The following CCDC88C variants were observed in gnomAD, a reference collection of about 807,000 sequenced individuals.
The protein encoded by CCDC88C is protein Daple.
A neutral mutation model predicts 198.8 loss-of-function variants in CCDC88C; 131 were observed. The ratio of observed to expected loss-of-function variants is 0.66; its 90% CI spans 0.57 to 0.76. CCDC88C has a LOEUF of 0.76. CCDC88C is among the 30% of genes least tolerant of loss of function. The probability of loss-of-function intolerance (pLI) is 0.00; values close to 1 mark genes in which losing one functional copy is unlikely to be tolerated. For synonymous variants in CCDC88C, 1,166 were observed against 1,114.7 expected (o/e 1.05, Z -0.92); for missense variants, 2,553 against 2,631.6 (o/e 0.97, Z 0.65).
chr14:91,375,055 C>T (rs1293199782), intron 3 of CCDC88C, among the ~76,000 whole-genome samples: 1 of 152,220 alleles, frequency 6.6e-6, no homozygotes, highest in Non-Finnish European at 1.5e-5. Flanking sequence ...TCACTAGTTA[C>T]GAAGCTACAG....
At chr14:91,330,026 A>G (rs960504220) in intron 10 of CCDC88C, among the ~76,000 whole-genome samples, 6 of 152,248 alleles carry the variant, frequency 3.9e-5, no homozygotes, top group African/African-American at 1.4e-4. Flanking sequence ...TGTGTTCATA[A>G]AAACTCACAG....
In CCDC88C at chr14:91,303,828, C is replaced by T; in HGVS notation, c.3508G>A (p.Asp1170Asn). Reference protein sequence around the residue: ...LTAAYEALLQDHEHLGTLHER... With the variant: ...LTAAYEALLQNHEHLGTLHER... ...TGCAGCGTGCCCAGGTGCTCGTGGT[C>T]CTGCAGCAGGGCCTCGTAGGCCGCT... The change falls in exon 20 of 30, where the codon GAC (aspartate) becomes AAC (asparagine). Residue 1170 changes from aspartate to asparagine, a missense_variant. By Grantham distance (23) the Asp-to-Asn change is conservative. Transcript: ENST00000389857. The T allele has an allele frequency of 1.2e-6, 2 of 1,613,352 alleles. No homozygotes were observed. Among genetic ancestry groups the T allele is most frequent in the South Asian group, 1.1e-5 (1 of 91,088 alleles).
rs1277015058 is a variant in CCDC88C at position 91,299,945 on chromosome 14, A to G, written c.3761T>C (p.Leu1254Pro). 1.9e-6 allele frequency: 3 copies of G among 1,590,490 alleles called. No individual in the cohort carries two copies. Among genetic ancestry groups the G allele is most frequent in the Non-Finnish European group, 2.6e-6 (3 of 1,171,392 alleles). The change falls in exon 21 of 30, where the codon CTG (leucine) becomes CCG (proline). Residue 1254 changes from leucine (L) to proline (P), a missense_variant. Physicochemically the swap from Leu to Pro is moderately conservative, Grantham distance 98 (BLOSUM62 -3). This residue lies in a region of CCDC88C where 1,293 missense variants were observed against 1,219.6 expected (regional missense o/e 1.06). Coordinates refer to ENST00000389857, the MANE Select transcript of CCDC88C (RefSeq NM_001080414.4). ...CGCTCACCTGTCCAGCTCGCCCCGCAGCCTCTGGTTCTCGCCCATGGCGAG... is the reference window on the plus strand; with the variant it reads ...CGCTCACCTGTCCAGCTCGCCCCGCGGCCTCTGGTTCTCGCCCATGGCGAG... The part of the protein sequence containing the change: ...NALAMGENQR[L>P]RGELDRVNFL...
Position 91,273,030 on chromosome 14 carries a change from C to G in CCDC88C, c.5682G>C (p.Glu1894Asp). ...RRFSLAPPKEERLAPLHQSAT... is the reference protein window; with the variant it reads ...RRFSLAPPKEDRLAPLHQSAT... ...CAGACTGATGCAGGGGGGCCAGCCT[C>G]TCCTCCTTTGGGGGAGCCAGGGAGA... Residue 1894 changes from glutamate to aspartate, a missense_variant, in exon 30 of 30, where the codon GAG (glutamate) becomes GAC (aspartate). By Grantham distance (45) the Glu-to-Asp change is conservative. Around this residue, in one of 2 missense-constraint regions of CCDC88C, gnomAD observed 1,293 missense variants for 1,219.6 expected, o/e 1.06. Coordinates refer to ENST00000389857, the MANE Select transcript of CCDC88C (RefSeq NM_001080414.4). This position sits in a 1 kb window ranked among gnomAD's most constrained non-coding sequence, Gnocchi z 5.6. 1 of 1,555,654 alleles carries G rather than the reference C, an allele frequency of 6.4e-7. No homozygotes were observed. The highest frequency in any genetic ancestry group is 8.7e-7 in the Non-Finnish European group (1 of 1,154,282).
At chr14:91,345,217 G>T (rs1893496452) in intron 4 of CCDC88C, among the ~76,000 whole-genome samples, 1 of 93,772 alleles carries the variant, frequency 1.1e-5, no homozygotes, top group Admixed American at 1.4e-4. Context: ...TTTTGAGACA[G>T]AGTCTCACTC....
chr14:91,295,230 A>T (rs1806335841), intron 22 of CCDC88C, among the ~76,000 whole-genome samples: 1 of 152,224 alleles, frequency 6.6e-6, no homozygotes, highest in Admixed American at 6.5e-5. Context: ...ATATAATTAT[A>T]CATAATTTAT....
At chr14:91,281,312 G>T in intron 27 of CCDC88C, 145 bp downstream of exon 27, 8 of 1,529,920 alleles carry the variant, frequency 5.2e-6, no homozygotes, top group Non-Finnish European at 7.1e-6. Flanking sequence ...CAGCCCCCTG[G>T]GGAGGGGAAG....
chr14:91,297,794 C>T (rs563627553), intron 21 of CCDC88C, among the ~76,000 whole-genome samples: 1 of 152,320 alleles, frequency 6.6e-6, no homozygotes, highest in South Asian at 2.1e-4. Context: ...ATCACTGCTA[C>T]CATCACTTCC....
chr14:91,303,619 C>G, intron 20 of CCDC88C, 82 bp downstream of exon 20: 3 of 1,422,028 alleles, frequency 2.1e-6, no homozygotes, highest in East Asian at 5.0e-5. Flanking sequence ...CCATCTACCC[C>G]AGGCCCCACC....
chr14:91,385,206 G>A lies in CCDC88C; in HGVS notation c.270+23453C>T, dbSNP rs140067104. Among the ~76,000 whole-genome samples, 243 of 152,244 alleles carry A rather than the reference G, an allele frequency of 1.6e-3. 1 individual carries two copies. The highest frequency in any genetic ancestry group is 5.6e-3 in the African/African-American group (231 of 41,538). On this transcript the variant is annotated intron_variant, in intron 3 of 29. Coordinates refer to ENST00000389857, the MANE Select transcript of CCDC88C (RefSeq NM_001080414.4). ...GAAAGTGTCACCCACCGGCCAGGAG[G>A]TTTACCTAAGAAGTCTACCAATGAA...
At chr14:91,308,553 G>A in intron 16 of CCDC88C, 61 bp from the exon 17 acceptor site, 1 of 1,528,146 alleles carries the variant, frequency 6.5e-7, no homozygotes, top group Non-Finnish European at 9.0e-7. Flanking sequence ...AGTTCCCAGT[G>A]TCCTCGCTGC....
intron 4 of CCDC88C, among the ~76,000 whole-genome samples, chr14:91,346,891 T>C (rs1596096683): frequency 6.6e-6 from 1 of 152,076 alleles, no homozygotes; most frequent in East Asian, 1.9e-4. Context: ...AAAGGAAGAC[T>C]CTGTCTCAAA....
chr14:91,293,483 C>T (rs796090088), intron 23 of CCDC88C, among the ~76,000 whole-genome samples: 1 of 143,410 alleles, frequency 7.0e-6, no homozygotes, highest in Non-Finnish European at 1.5e-5. Flanking sequence ...TGCCACAGCT[C>T]ACCTTCCCAT....
At chr14:91,345,184 A>ATTTTTT (rs1458769741) in intron 4 of CCDC88C, among the ~76,000 whole-genome samples, 6 of 67,574 alleles carry the variant, frequency 8.9e-5, no homozygotes, top group African/African-American at 3.3e-4. Context: ...ATATATATAT[A>ATTTTTT]TATATATTTT....
rs776363331 is a variant in CCDC88C at position 91,300,081 on chromosome 14, G to A, written c.3636-11C>T. On this transcript the variant is annotated splice_polypyrimidine_tract_variant and intron_variant, in intron 20 of 29. Coordinates refer to ENST00000389857, the MANE Select transcript of CCDC88C (RefSeq NM_001080414.4). Reference sequence around the variant, plus strand: ...AGCATGTCACCGTGCCTGTTGGAGGGAAGCACCTGCCGTGAGTCTGGCCAG... The same window carrying A: ...AGCATGTCACCGTGCCTGTTGGAGGAAAGCACCTGCCGTGAGTCTGGCCAG... 2.5e-6 allele frequency: 4 copies of A among 1,604,956 alleles called. No individual in the cohort carries two copies. In the South Asian group the frequency reaches 4.5e-5, roughly 18 times the overall value.
At position 91,385,305 on chromosome 14, in the gene CCDC88C, C is replaced by A. The variant is rs563797867; in HGVS notation, c.270+23354G>T. On this transcript the variant is annotated intron_variant, in intron 3 of 29. Transcript: ENST00000389857. ...CCAGACCCAGGGTTCTCTCACCCCA[C>A]AAGTAACTTTAGCACAAGAAACGCC... Among the ~76,000 whole-genome samples, 5 of 152,316 alleles carry A rather than the reference C, an allele frequency of 3.3e-5. No individual in the cohort carries two copies. In the South Asian group the frequency reaches 8.3e-4, roughly 25 times the overall value.
At chr14:91,275,047 G>A (rs918890555) in intron 29 of CCDC88C, among the ~76,000 whole-genome samples, 1 of 152,120 alleles carries the variant, frequency 6.6e-6, no homozygotes, top group Admixed American at 6.5e-5. Context: ...GTGGGCATAC[G>A]GTTGTCATTT....
chr14:91,337,984 C>T (rs375125767), intron 10 of CCDC88C, 21 bp downstream of exon 10: 15 of 1,607,104 alleles, frequency 9.3e-6, no homozygotes, highest in East Asian at 2.2e-5. Context: ...CATCCAGGGG[C>T]CTCACAGCAA....
chr14:91,297,682 A>G (rs998341086), intron 21 of CCDC88C, among the ~76,000 whole-genome samples, 191 bp from the exon 22 acceptor site: 1 of 152,014 alleles, frequency 6.6e-6, no homozygotes, highest in Non-Finnish European at 1.5e-5. Flanking sequence ...GTCCATCAGC[A>G]AACTGTGTTC....
Sources: gnomAD v4.1 joint callset for allele counts (sites outside exome capture counted in the v4.1 genomes callset) on GRCh38, gnomAD v4.1.1 for gene constraint, gnomAD v4.1.1 regional missense constraint, Gnocchi (gnomAD v3.1) non-coding constraint, MANE v1.5 for transcripts, NCBI Gene and HGNC (gene_info 2026-07-23, HGNC 2026-07-21) for gene names.